CELA1: variants seen among roughly 807,000 people sequenced by gnomAD.
CELA1 encodes the protein chymotrypsin like elastase 1, also known as chymotrypsin-like elastase family member 1.
In CELA1, 28 loss-of-function variants were observed where a neutral mutation model predicts 34.8. The ratio of observed to expected loss-of-function variants is 0.80; its 90% CI spans 0.60 to 1.10. The LOEUF (loss-of-function observed/expected upper bound fraction) is 1.10. Ranked by LOEUF, CELA1 falls within the 50% of genes least tolerant of loss-of-function variation. The pLI, the probability that CELA1 is intolerant of heterozygous loss-of-function variation, is 0.00. For synonymous variants in CELA1, 140 were observed against 129.8 expected, an observed-to-expected ratio of 1.08 and a Z score of -0.53; for missense variants, 288 against 327.5, an observed-to-expected ratio of 0.88 and a Z score of 0.93.
At position 51,341,504 on chromosome 12, in the gene CELA1, A is replaced by G. The variant is rs1946535189; in HGVS notation, c.327-124T>C. Reference sequence around the variant, plus strand: ...TGGAAAGTGACGACTTTGAAGAAGGACGGGGCTCACTTGCTAAGCCTCAAA... The same window carrying G: ...TGGAAAGTGACGACTTTGAAGAAGGGCGGGGCTCACTTGCTAAGCCTCAAA... On this transcript the variant is annotated intron_variant, in intron 4 of 7. Transcript: ENST00000293636. The G allele has an allele frequency of 9.8e-6, 10 of 1,020,160 alleles. No homozygotes were observed. The South Asian group carries it at 1.2e-4, about 12-fold the overall frequency. The allele number at this position is 1,020,160 out of a possible 1,614,324, so 63.2% of individuals were successfully genotyped here.
At chr12:51,334,444 T>C (rs918840847) in intron 6 of CELA1, among the ~76,000 whole-genome samples, 25 of 152,286 alleles carry the variant, frequency 1.6e-4, no homozygotes, top group Admixed American at 9.8e-4. Context: ...ATCCTTTTTT[T>C]TTTCTTTGAG....
rs1314776914 is a variant in CELA1 at position 51,328,475 on chromosome 12, A to T, written c.*102T>A. The T allele has an allele frequency of 2.5e-6, 3 of 1,223,678 alleles. No individual in the cohort carries two copies. Among genetic ancestry groups the T allele is most frequent in the Non-Finnish European group, 3.6e-6 (3 of 828,450 alleles). 75.8% of individuals were successfully genotyped at this position (1,223,678 alleles called of 1,614,324 possible). Reference sequence around the variant, plus strand: ...ATCTAGTTTTATTTGCTTTTCTATCAATGGCTCAATAGTCTTTCAGAATGT... The same window carrying T: ...ATCTAGTTTTATTTGCTTTTCTATCTATGGCTCAATAGTCTTTCAGAATGT... On this transcript the variant is annotated 3_prime_UTR_variant, in exon 8 of 8. Transcript: ENST00000293636.
At chr12:51,336,896 C>G (rs1234825258) in intron 6 of CELA1, among the ~76,000 whole-genome samples, 2 of 152,180 alleles carry the variant, frequency 1.3e-5, no homozygotes, top group Non-Finnish European at 2.9e-5. Flanking sequence ...ATTGCAATAG[C>G]CCTCTAGGCA....
chr12:51,328,917 G>T (rs569697974), intron 7 of CELA1, among the ~76,000 whole-genome samples: 1 of 152,252 alleles, frequency 6.6e-6, no homozygotes, highest in East Asian at 1.9e-4. Flanking sequence ...TGTAGGCAGA[G>T]CCTCACCTAA....
chr12:51,340,920 T>C (rs1268488288), intron 5 of CELA1, among the ~76,000 whole-genome samples: 1 of 152,058 alleles, frequency 6.6e-6, no homozygotes, highest in African/African-American at 2.4e-5. Flanking sequence ...GGTGGGAGGA[T>C]CACTTGAGCC....
chr12:51,334,929 T>C (rs1023916735), intron 6 of CELA1, among the ~76,000 whole-genome samples: 24 of 152,340 alleles, frequency 1.6e-4, no homozygotes, highest in Admixed American at 1.4e-3. Flanking sequence ...CAGCAACATC[T>C]TGGAGGACTG....
chr12:51,340,705 A>G (rs1210176960), intron 5 of CELA1, among the ~76,000 whole-genome samples: 3 of 152,060 alleles, frequency 2.0e-5, no homozygotes, highest in African/African-American at 7.2e-5. Context: ...TGGTTTCCTC[A>G]TGTATAAAAT....
intron 6 of CELA1, among the ~76,000 whole-genome samples, chr12:51,339,417 T>C (rs773289616): frequency 2.0e-5 from 3 of 152,110 alleles, no homozygotes; most frequent in South Asian, 2.1e-4. Context: ...CCGGGCGTGG[T>C]GGTGCATGCC....
intron 6 of CELA1, among the ~76,000 whole-genome samples, chr12:51,335,384 G>A (rs1482816734): frequency 6.6e-6 from 1 of 151,956 alleles, no homozygotes; most frequent in Non-Finnish European, 1.5e-5. Flanking sequence ...AGCCTCCTGA[G>A]TAGCTAGGAT....
chr12:51,342,523 G>C, intron 4 of CELA1, 52 bp downstream of exon 4: 1 of 1,612,464 alleles, frequency 6.2e-7, no homozygotes, highest in Middle Eastern at 1.7e-4. Flanking sequence ...GCCAGTTGTT[G>C]GCTAGTCAGG....
intron 6 of CELA1, among the ~76,000 whole-genome samples, chr12:51,333,812 C>T (rs3951439): frequency 0.96 from 145,606 of 152,286 alleles, 69,951 homozygotes; most frequent in Middle Eastern, 1. Context: ...AAAATTCTAT[C>T]AGGGATTTGA....
At chr12:51,346,572 G>A (rs1946566234) in intron 1 of CELA1, 51 bp downstream of exon 1, 1 of 1,528,734 alleles carries the variant, frequency 6.5e-7, no homozygotes, top group Non-Finnish European at 9.0e-7. Flanking sequence ...CAGGCCACAT[G>A]ATCCACTTAC....
chr12:51,342,761 T>C, intron 3 of CELA1, 61 bp from the exon 4 acceptor site: 1 of 1,545,788 alleles, frequency 6.5e-7, no homozygotes, highest in Non-Finnish European at 8.7e-7. Context: ...CTACCCCACT[T>C]AGAGAAAAGT....
chr12:51,342,651 C>T lies in CELA1; in HGVS notation c.250G>A (p.Asp84Asn). The T allele has an allele frequency of 6.2e-7, 1 of 1,614,172 alleles. No homozygotes were observed. Among genetic ancestry groups the T allele is most frequent in the South Asian group, 1.1e-5 (1 of 91,084 alleles). ...VAGDHNLSQN[D>N]GTEQYVSVQK... ...ACACTCACGTACTGCTCAGTGCCATCATTCTGGCTCAGGTTATGGTCTCCA... is the reference window on the plus strand; with the variant it reads ...ACACTCACGTACTGCTCAGTGCCATTATTCTGGCTCAGGTTATGGTCTCCA... Residue 84 changes from aspartate to asparagine, a missense_variant, in exon 4 of 8, where the codon GAT (aspartate) becomes AAT (asparagine). Transcript: ENST00000293636.
Position 51,342,576 on chromosome 12 carries a change from C to T in CELA1, c.325G>A (p.Gly109Ser), listed in dbSNP as rs760881846. Residue 109 changes from glycine (G) to serine (S), a missense_variant and splice_region_variant, in exon 4 of 8, where the codon GGC becomes AGC. By Grantham distance (56) the Gly-to-Ser change is moderately conservative. Coordinates refer to ENST00000293636, the MANE Select transcript of CELA1 (RefSeq NM_001971.6). The part of the protein sequence containing the change: ...PYWNSDNVAA[G>S]YDIALLRLAQ... ...GGGCCAGCTTGGACTTGCTCCTACC[C>T]GGCAGCCACGTTATCGCTGTTCCAG... 1.4e-5 allele frequency: 23 copies of T among 1,613,978 alleles called. No homozygotes were observed. The highest frequency in any genetic ancestry group is 1.3e-4 in the Admixed American group (8 of 59,994).
chr12:51,337,860 A>T (rs189503042), intron 6 of CELA1, among the ~76,000 whole-genome samples: 22 of 151,228 alleles, frequency 1.5e-4, no homozygotes, highest in African/African-American at 5.3e-4. Flanking sequence ...CAAGTGAACC[A>T]TGATGGTACA....
chr12:51,339,733 C>T (rs998998963), intron 6 of CELA1, 127 bp downstream of exon 6: 7 of 866,084 alleles, frequency 8.1e-6, no homozygotes, highest in African/African-American at 3.4e-5. Flanking sequence ...CTCACTTAGA[C>T]GCCAGAGTAG....
chr12:51,336,292 T>C (rs1946499152), intron 6 of CELA1, among the ~76,000 whole-genome samples: 2 of 152,220 alleles, frequency 1.3e-5, no homozygotes, highest in South Asian at 2.1e-4. Context: ...GAATGGGATC[T>C]GATTTGTTCT....
chr12:51,332,043 A>G (rs557238588), intron 6 of CELA1, among the ~76,000 whole-genome samples: 39 of 151,522 alleles, frequency 2.6e-4, no homozygotes, highest in Non-Finnish European at 4.1e-4. Context: ...AAATCAGCTG[A>G]GTGTGGTGGC....
Sources: allele counts gnomAD v4.1 joint callset (sites outside exome capture counted in the v4.1 genomes callset), GRCh38; gene constraint gnomAD v4.1.1; transcripts MANE v1.5; gene names NCBI Gene and HGNC (gene_info 2026-07-23, HGNC 2026-07-21).